The following AUTS2 variants were observed in gnomAD, a reference collection of about 807,000 sequenced individuals.
The protein encoded by AUTS2 is activator of transcription and developmental regulator AUTS2.
A neutral mutation model predicts 112.4 loss-of-function variants in AUTS2; 17 were observed. That is an observed-to-expected ratio of 0.15 (90% CI 0.10 to 0.23). AUTS2 has a LOEUF of 0.23. AUTS2 is among the 10% of genes least tolerant of loss of function. The pLI is 1.00. For synonymous variants in AUTS2, 751 were observed against 702.7 expected (o/e 1.07, Z -1.09); for missense variants, 1,510 against 1,701.6 (o/e 0.89, Z 1.98).
At chr7:70,015,741 G>A (rs1024213982) in intron 2 of AUTS2, among the ~76,000 whole-genome samples, 6 of 151,540 alleles carry the variant, frequency 4.0e-5, no homozygotes, top group Non-Finnish European at 8.8e-5. Context: ...CATTTAACTG[G>A]TCATGGCTCA....
At chr7:70,454,577 A>G (rs1796659684) in intron 5 of AUTS2, among the ~76,000 whole-genome samples, 2 of 152,114 alleles carry the variant, frequency 1.3e-5, no homozygotes, top group Non-Finnish European at 2.9e-5. Flanking sequence ...TATATAAAAT[A>G]CCTAGAATGA....
In AUTS2 at chr7:70,688,353, C is replaced by T. The variant is rs145366508; in HGVS notation, c.691-10216C>T. On this transcript the variant is annotated intron_variant, in intron 5 of 18. Coordinates refer to ENST00000342771, the MANE Select transcript of AUTS2 (RefSeq NM_015570.4). ...CCAGGTGAGTTCAGAAGGCATGGCT[C>T]GGGGCATACAGGAGGATTTATCATC... is the stretch of plus-strand genomic sequence containing the variant. Among the ~76,000 whole-genome samples, 260 of 152,166 alleles carry T rather than the reference C, an allele frequency of 1.7e-3. 1 individual carries two copies. The highest frequency in any genetic ancestry group is 5.6e-3 in the African/African-American group (233 of 41,502).
intron 18 of AUTS2, among the ~76,000 whole-genome samples, chr7:70,788,763 C>T (rs1791681933): frequency 6.6e-6 from 1 of 152,246 alleles, no homozygotes; most frequent in South Asian, 2.1e-4. Flanking sequence ...CTCCTGAATA[C>T]TCTGTGGTCC....
rs796851867 is a variant in AUTS2, at chr7:69,894,259, T to G, written c.310-5027T>G. Reference sequence around the variant, plus strand: ...AAATGAATGCCTTAAAGCGTTTTTTTTTTTTTTTTTTTTTTTTTTAACAGA... The same window carrying G: ...AAATGAATGCCTTAAAGCGTTTTTTGTTTTTTTTTTTTTTTTTTTAACAGA... On this transcript the variant is annotated intron_variant, in intron 1 of 18. Coordinates refer to ENST00000342771, the MANE Select transcript of AUTS2 (RefSeq NM_015570.4). 3.0e-4 allele frequency among the ~76,000 whole-genome samples: 40 copies of G among 132,296 alleles called. 1 individual carries two copies. The highest frequency in any genetic ancestry group is 3.8e-3 in the Middle Eastern group (1 of 260). 86.8% of individuals were successfully genotyped at this position (132,296 alleles called of 152,430 possible). A position where few individuals can be genotyped will look rare whatever the true frequency, so the allele number is the denominator to read the frequency against.
Position 70,077,755 on chromosome 7 carries a change from C to A in AUTS2, c.523-40377C>A, listed in dbSNP as rs184206922. 5.3e-5 allele frequency among the ~76,000 whole-genome samples: 8 copies of A among 152,292 alleles called. No homozygotes were observed. In the East Asian group the frequency reaches 9.7e-4, roughly 18 times the overall value. Reference sequence around the variant, plus strand: ...ACACTTCACCAAGAGTGGAAGCCATCAGGCTGCACTCTCTGACCAGGATTG... The same window carrying A: ...ACACTTCACCAAGAGTGGAAGCCATAAGGCTGCACTCTCTGACCAGGATTG... On this transcript the variant is annotated intron_variant, in intron 2 of 18. Coordinates refer to ENST00000342771, the MANE Select transcript of AUTS2 (RefSeq NM_015570.4).
intron 4 of AUTS2, among the ~76,000 whole-genome samples, chr7:70,301,765 G>A (rs1403422798): frequency 1.3e-5 from 2 of 152,096 alleles, no homozygotes; most frequent in African/African-American, 4.8e-5. Flanking sequence ...AATGGTGACA[G>A]ACATTTTATT....
chr7:70,338,833 C>CTTATTTATTTAT lies in AUTS2; in HGVS notation c.661-96884_661-96873dup, dbSNP rs60351906. ...ACCTAACCCATCTCCAGCCTCATCT[C>CTTATTTATTTAT]TTATTTATTTATTTATTTATTTATT... On this transcript the variant is annotated intron_variant, in intron 4 of 18. Coordinates refer to ENST00000342771, the MANE Select transcript of AUTS2 (RefSeq NM_015570.4). 9.2e-3 allele frequency among the ~76,000 whole-genome samples: 1,293 copies of CTTATTTATTTAT among 141,048 alleles called. 8 individuals are homozygous for CTTATTTATTTAT. Among genetic ancestry groups the CTTATTTATTTAT allele is most frequent in the Admixed American group, 0.014 (199 of 13,996 alleles). The allele number at this position is 141,048 out of a possible 152,430, so 92.5% of individuals were successfully genotyped here.
chr7:69,819,531 C>G (rs189504780), intron 1 of AUTS2, among the ~76,000 whole-genome samples: 1 of 152,188 alleles, frequency 6.6e-6, no homozygotes, highest in Non-Finnish European at 1.5e-5. Context: ...GAACTGATGA[C>G]AGGTGTATGC....
intron 5 of AUTS2, among the ~76,000 whole-genome samples, chr7:70,581,858 T>C (rs1436343677): frequency 2.0e-5 from 3 of 152,230 alleles, no homozygotes; most frequent in Non-Finnish European, 4.4e-5. Context: ...TTTTGTATTG[T>C]TCACACAGTA....
Position 70,785,970 on chromosome 7 carries a change from C to T in AUTS2, c.2240C>T (p.Pro747Leu), listed in dbSNP as rs759994021. The change falls in exon 17 of 19, where the codon CCG becomes CTG. Residue 747 changes from proline (P) to leucine (L), a missense_variant. Physicochemically the swap from Pro to Leu is moderately conservative, Grantham distance 98 (BLOSUM62 -3). This residue lies in a region of AUTS2 where 788 missense variants were observed against 797.6 expected (regional missense o/e 0.99). Transcript: ENST00000342771. The part of the protein sequence containing the change: ...PAAHLEPFNR[P>L]STFTGLAAVG... ...TTGTTTGCAGAGCCTTTTAATCGGC[C>T]GTCTACATTCACAGGCCTAGCAGCA... is the stretch of plus-strand genomic sequence containing the variant. 1.8e-5 allele frequency: 29 copies of T among 1,613,810 alleles called. No homozygotes were observed. Among genetic ancestry groups the T allele is most frequent in the Admixed American group, 5.0e-5 (3 of 60,006 alleles).
chr7:70,094,411 T>C (rs1250327791), intron 2 of AUTS2, among the ~76,000 whole-genome samples: 1 of 152,224 alleles, frequency 6.6e-6, no homozygotes. Flanking sequence ...CCCTTGGGCT[T>C]GTATGGCTTT....
chr7:69,984,765 A>G (rs1043589066), intron 2 of AUTS2, among the ~76,000 whole-genome samples: 5 of 152,094 alleles, frequency 3.3e-5, no homozygotes, highest in African/African-American at 9.7e-5. Context: ...CTGCCTGTTA[A>G]CACTTTCTGG....
intron 1 of AUTS2, among the ~76,000 whole-genome samples, chr7:69,894,278 T>TTTTTTTA: frequency 8.5e-6 from 1 of 118,328 alleles, no homozygotes; most frequent in Non-Finnish European, 1.9e-5. Flanking sequence ...TTTTTTTTTT[T>TTTTTTTA]AACAGATTTC....
Position 70,585,076 on chromosome 7 carries a change from G to A in AUTS2, c.691-113493G>A, listed in dbSNP as rs150286774. On this transcript the variant is annotated intron_variant, in intron 5 of 18. Transcript: ENST00000342771. ...TCTAATTCAGCACTATTTCAAATCT[G>A]AGGGGTGTGTTGGTAACCAGTTGGG... 8.9e-4 allele frequency among the ~76,000 whole-genome samples: 136 copies of A among 152,312 alleles called. 1 individual carries two copies. In the East Asian group the frequency reaches 0.025, roughly 28 times the overall value.
chr7:69,727,550 A>G (rs1786576934), intron 1 of AUTS2, among the ~76,000 whole-genome samples: 1 of 152,198 alleles, frequency 6.6e-6, no homozygotes, highest in African/African-American at 2.4e-5. Context: ...AGATCGCGCC[A>G]CTGCACTCCA....
chr7:69,908,965 G>A (rs1795250593), intron 2 of AUTS2, among the ~76,000 whole-genome samples: 1 of 152,142 alleles, frequency 6.6e-6, no homozygotes, highest in Non-Finnish European at 1.5e-5. Flanking sequence ...CATTGGGTGG[G>A]GGTCAGGGTG....
chr7:70,643,432 A>G (rs62456774), intron 5 of AUTS2, among the ~76,000 whole-genome samples: 11,907 of 152,242 alleles, frequency 0.078, 542 homozygotes, highest in South Asian at 0.16. Context: ...TTAGCTGGGC[A>G]TGGTGGTGCG....
intron 15 of AUTS2, chr7:70,784,210 C>CTAAT (rs1280543768): frequency 2.0e-5 from 3 of 152,132 alleles, no homozygotes; most frequent in Non-Finnish European, 4.4e-5. Context: ...CTCCTAAAAC[C>CTAAT]TAATTGAGCT....
chr7:69,913,219 A>C (rs1795435515), intron 2 of AUTS2, among the ~76,000 whole-genome samples: 2 of 152,164 alleles, frequency 1.3e-5, no homozygotes. Context: ...TCTTCCTTGA[A>C]GTTTTTATGA....
Sources: gnomAD v4.1 joint callset for allele counts (sites outside exome capture counted in the v4.1 genomes callset) on GRCh38, gnomAD v4.1.1 for gene constraint, gnomAD v4.1.1 regional missense constraint, MANE v1.5 for transcripts, NCBI Gene and HGNC (gene_info 2026-07-23, HGNC 2026-07-21) for gene names.